The following PIBF1 variants were observed in gnomAD, a reference collection of about 807,000 sequenced individuals.
PIBF1 encodes the protein progesterone-induced-blocking factor 1.
A neutral mutation model predicts 112.5 loss-of-function variants in PIBF1; 90 were observed. The ratio of observed to expected loss-of-function variants is 0.80; its 90% CI spans 0.67 to 0.95. The LOEUF (loss-of-function observed/expected upper bound fraction) is 0.95, where lower values mean the gene tolerates loss of function less well. Ranked by LOEUF, PIBF1 falls within the 40% of genes least tolerant of loss-of-function variation. The pLI, the probability that PIBF1 is intolerant of heterozygous loss-of-function variation, is 0.00. For missense variants in PIBF1, 915 were observed against 852.3 expected, an observed-to-expected ratio of 1.07 and a Z score of -0.92; for synonymous variants, 301 against 288.6, an observed-to-expected ratio of 1.04 and a Z score of -0.44.
At chr13:72,997,186 G>C (rs1433957652) in intron 16 of PIBF1, among the ~76,000 whole-genome samples, 3 of 152,072 alleles carry the variant, frequency 2.0e-5, no homozygotes, top group Non-Finnish European at 2.9e-5. Context: ...GAAAAGTTGT[G>C]GCTAATAAAG....
Position 72,973,608 on chromosome 13 carries a change from AG to A in PIBF1, c.1983del (p.Lys661AsnfsTer13), listed in dbSNP as rs752824950. On this transcript the variant is annotated frameshift_variant, in exon 16 of 18. Coordinates refer to ENST00000326291, the MANE Select transcript of PIBF1 (RefSeq NM_006346.4). LOFTEE classifies it high-confidence loss of function. ...TTTTTCAGCAACTTAAATAAAGAAA[AG>A]TCAGCTTTACTACAGACGAAGAATC... ...EKDVSNLNKE[K>X]SALLQTKNQM... 1 of 1,558,284 alleles carries A rather than the reference AG, an allele frequency of 6.4e-7. No individual in the cohort carries two copies. Among genetic ancestry groups the A allele is most frequent in the Admixed American group, 2.1e-5 (1 of 47,898 alleles).
rs1305284581 is a variant in PIBF1, at chr13:72,783,867, T to A, written c.252+146T>A. The A allele has an allele frequency of 3.4e-5, 29 of 858,198 alleles. No individual in the cohort carries two copies. In the Admixed American group the frequency reaches 7.7e-4, roughly 23 times the overall value. The allele number at this position is 858,198 out of a possible 1,614,324, so 53.2% of individuals were successfully genotyped here. A position where few individuals can be genotyped will look rare whatever the true frequency, so the allele number is the denominator to read the frequency against. ...TACAGCCTTTAAATAATTTTGGTGT[T>A]CATAGAAGTAGAGAATAGAATGGTG... On this transcript the variant is annotated intron_variant, in intron 2 of 17. Transcript: ENST00000326291.
At chr13:72,954,719 C>T (rs1042108161) in intron 14 of PIBF1, among the ~76,000 whole-genome samples, 8 of 152,204 alleles carry the variant, frequency 5.3e-5, no homozygotes, top group African/African-American at 1.9e-4. Flanking sequence ...TCAGAGTTTT[C>T]CATCTGGTTC....
At chr13:72,822,408 C>A (rs1358095522) in intron 6 of PIBF1, among the ~76,000 whole-genome samples, 4 of 151,850 alleles carry the variant, frequency 2.6e-5, no homozygotes, top group African/African-American at 9.7e-5. Flanking sequence ...CTACTTATAG[C>A]AAATACCTTT....
chr13:72,982,464 AT>A (rs945703930), intron 16 of PIBF1, among the ~76,000 whole-genome samples: 3 of 152,048 alleles, frequency 2.0e-5, no homozygotes, highest in Admixed American at 6.6e-5. Flanking sequence ...AAATAAAAAA[AT>A]ATTATCTATC....
At position 72,931,243 on chromosome 13, in the gene PIBF1, C is replaced by T. The variant is rs775205182; in HGVS notation, c.1809C>T (p.Asp603=). 8.7e-6 allele frequency: 14 copies of T among 1,609,656 alleles called. No individual in the cohort carries two copies. Among genetic ancestry groups the T allele is most frequent in the Admixed American group, 1.7e-5 (1 of 59,728 alleles). The change falls in exon 14 of 18, where the codon GAC becomes GAT. Residue 603 remains aspartate, a synonymous_variant. Coordinates refer to ENST00000326291, the MANE Select transcript of PIBF1 (RefSeq NM_006346.4). ...TAAAAGATCTGGAACATCGAAAGGA[C>T]CAAGTAACACAGCTTTCACAAGAGG... ...LILKDLEHRK[D]QVTQLSQELD... is the part of the protein sequence containing the mutation.
chr13:72,990,544 A>C (rs1210175604), intron 16 of PIBF1, among the ~76,000 whole-genome samples: 1 of 148,918 alleles, frequency 6.7e-6, no homozygotes, highest in Non-Finnish European at 1.5e-5. Flanking sequence ...AAAAAAAAAA[A>C]AACCTTTTAA....
At position 72,998,861 on chromosome 13, in the gene PIBF1, A is replaced by T. The variant is rs1329577155; in HGVS notation, c.2089A>T (p.Ser697Cys). The T allele has an allele frequency of 1.9e-6, 3 of 1,612,386 alleles. No individual in the cohort carries two copies. The highest frequency in any genetic ancestry group is 2.5e-6 in the Non-Finnish European group (3 of 1,179,126). The change falls in exon 17 of 18, where the codon AGT becomes TGT. Residue 697 changes from serine (S) to cysteine (C), a missense_variant. Transcript: ENST00000326291. The stretch of plus-strand genomic sequence containing the variant: ...GAAACAGATTCTCGTTAAGATGCAT[A>T]GTAAACATTCTGAGAACAGCTTACT... ...AMKQILVKMH[S>C]KHSENSLLLT... is the part of the protein sequence containing the mutation.
At chr13:72,986,776 C>T (rs1469013775) in intron 16 of PIBF1, among the ~76,000 whole-genome samples, 3 of 151,470 alleles carry the variant, frequency 2.0e-5, no homozygotes, top group Admixed American at 2.0e-4. Context: ...CTGCAAGCTC[C>T]GCTTCCCGGG....
chr13:72,961,344 T>C (rs1227695797), intron 14 of PIBF1, among the ~76,000 whole-genome samples: 2 of 152,116 alleles, frequency 1.3e-5, no homozygotes, highest in Admixed American at 1.3e-4. Flanking sequence ...GGGCTTCTAA[T>C]CACTCATTAT....
chr13:72,803,500 C>T (rs1179290040), intron 5 of PIBF1, among the ~76,000 whole-genome samples: 1 of 151,960 alleles, frequency 6.6e-6, no homozygotes, highest in Non-Finnish European at 1.5e-5. Flanking sequence ...GTATGTGTTT[C>T]TGTGATTATG....
At chr13:72,840,740 G>A (rs1225161450) in intron 9 of PIBF1, among the ~76,000 whole-genome samples, 1 of 151,976 alleles carries the variant, frequency 6.6e-6, no homozygotes, top group African/African-American at 2.4e-5. Flanking sequence ...TGGCCAGGCT[G>A]TTCTCAAACT....
chr13:72,910,654 A>G (rs924087275), intron 12 of PIBF1, among the ~76,000 whole-genome samples: 3 of 152,198 alleles, frequency 2.0e-5, no homozygotes, highest in African/African-American at 7.2e-5. Context: ...CTGTGAGATA[A>G]GGATAAGAGA....
At chr13:72,934,133 A>G (rs563201211) in intron 14 of PIBF1, among the ~76,000 whole-genome samples, 1 of 152,290 alleles carries the variant, frequency 6.6e-6, no homozygotes, top group South Asian at 2.1e-4. Context: ...TATGGACTTT[A>G]CTTTTTTCTG....
chr13:72,978,190 G>A (rs560108454), intron 16 of PIBF1, among the ~76,000 whole-genome samples: 103 of 152,274 alleles, frequency 6.8e-4, no homozygotes, highest in African/African-American at 2.4e-3. Flanking sequence ...ACAGTTTAAT[G>A]TCATGCCTTC....
At chr13:72,794,686 C>A (rs1167954358) in intron 3 of PIBF1, among the ~76,000 whole-genome samples, 1 of 152,154 alleles carries the variant, frequency 6.6e-6, no homozygotes, top group African/African-American at 2.4e-5. Flanking sequence ...GTAAGACATG[C>A]CTTTGCTTCT....
chr13:72,975,618 A>C (rs1243124070), intron 16 of PIBF1, among the ~76,000 whole-genome samples: 1 of 152,148 alleles, frequency 6.6e-6, no homozygotes, highest in African/African-American at 2.4e-5. Flanking sequence ...AGGATGAGAA[A>C]GTGTCCCAGG....
chr13:72,923,923 C>T (rs1242359497), intron 13 of PIBF1, among the ~76,000 whole-genome samples: 1 of 152,172 alleles, frequency 6.6e-6, no homozygotes, highest in Admixed American at 6.5e-5. Context: ...CAGGTCACGC[C>T]ATTGCACTCC....
intron 9 of PIBF1, among the ~76,000 whole-genome samples, chr13:72,839,485 CAA>C (rs1566340621): frequency 6.6e-6 from 1 of 152,120 alleles, no homozygotes; most frequent in Non-Finnish European, 1.5e-5. Flanking sequence ...ATCTGAACCT[CAA>C]GAGAAAGATC....
Sources: allele counts gnomAD v4.1 joint callset (sites outside exome capture counted in the v4.1 genomes callset), GRCh38; gene constraint gnomAD v4.1.1; transcripts MANE v1.5; gene names NCBI Gene and HGNC (gene_info 2026-07-23, HGNC 2026-07-21).